The following CREB3L2 variants were observed in gnomAD, a reference collection of about 807,000 sequenced individuals.
CREB3L2 encodes cAMP responsive element binding protein 3 like 2, also known as cyclic AMP-responsive element-binding protein 3-like protein 2.
In CREB3L2, 23 loss-of-function variants were observed where a neutral mutation model predicts 57.2. The ratio of observed to expected loss-of-function variants is 0.40; its 90% confidence interval spans 0.29 to 0.57. The LOEUF (loss-of-function observed/expected upper bound fraction) is 0.57, where lower values mean the gene tolerates loss of function less well. Among genes scored for constraint, CREB3L2 ranks in the 20% least tolerant of loss-of-function variants. The probability of loss-of-function intolerance (pLI) is 0.42; values close to 1 mark genes in which losing one functional copy is unlikely to be tolerated. For synonymous variants in CREB3L2, 268 were observed against 265.1 expected (o/e 1.01, Z -0.11); for missense variants, 628 against 634.7 (o/e 0.99, Z 0.11).
chr7:137,881,885 G>C (rs752784656), intron 11 of CREB3L2, among the ~76,000 whole-genome samples: 24 of 152,200 alleles, frequency 1.6e-4, no homozygotes, highest in Non-Finnish European at 2.9e-4. Flanking sequence ...TGTGTGCACA[G>C]TGCCTCTTAA....
intron 2 of CREB3L2, among the ~76,000 whole-genome samples, chr7:137,922,388 A>ATG (rs1800313293): frequency 5.2e-5 from 1 of 19,416 alleles, no homozygotes; most frequent in Non-Finnish European, 9.0e-5. Flanking sequence ...ATATATGTAT[A>ATG]TATATATATA....
At chr7:137,915,176 T>C (rs543034456) in intron 3 of CREB3L2, among the ~76,000 whole-genome samples, 1 of 152,188 alleles carries the variant, frequency 6.6e-6, no homozygotes, top group Admixed American at 6.5e-5. Flanking sequence ...TGCTGGTCCA[T>C]GGCCAGACAC....
At chr7:137,946,126 C>T (rs915994921) in intron 1 of CREB3L2, among the ~76,000 whole-genome samples, 1 of 152,134 alleles carries the variant, frequency 6.6e-6, no homozygotes, top group African/African-American at 2.4e-5. Flanking sequence ...AGATGACTCC[C>T]AAGACTCCTG....
intron 1 of CREB3L2, among the ~76,000 whole-genome samples, chr7:137,967,637 C>T (rs1037921491): frequency 2.6e-5 from 4 of 152,178 alleles, no homozygotes; most frequent in Non-Finnish European, 2.9e-5. Flanking sequence ...TCTGGCTCTT[C>T]GATTCTCTCC....
chr7:137,971,944 AAT>A lies in CREB3L2; in HGVS notation c.102+29658_102+29659del, dbSNP rs1554503428. 4.2e-3 allele frequency among the ~76,000 whole-genome samples: 631 copies of A among 152,040 alleles called. 5 individuals carry two copies. Among genetic ancestry groups the A allele is most frequent in the African/African-American group, 0.015 (604 of 41,406 alleles). ...TTGTTCACTTCCTTAAAAAAAAAAA[AAT>A]AATGGCTAAGTATTAAAATAGGAAA... On this transcript the variant is annotated intron_variant, in intron 1 of 11. Coordinates refer to ENST00000330387, the MANE Select transcript of CREB3L2 (RefSeq NM_194071.4).
At chr7:137,922,469 T>C (rs140453931) in intron 2 of CREB3L2, 6,645 of 132,290 alleles carry the variant, frequency 0.05, 996 homozygotes, top group African/African-American at 0.27. Flanking sequence ...CATATATATA[T>C]ACACACATAT....
intron 1 of CREB3L2, among the ~76,000 whole-genome samples, chr7:137,946,786 CTATATAGTTATATATAGTTA>C (rs1425687567): frequency 1.2e-4 from 4 of 34,326 alleles, no homozygotes; most frequent in African/African-American, 4.1e-4. Flanking sequence ...ATATAGTTAT[CTATATAGTTATATATAGTTA>C]TATATAGTTA....
intron 2 of CREB3L2, among the ~76,000 whole-genome samples, chr7:137,922,208 T>G (rs2117228841): frequency 6.6e-6 from 1 of 151,316 alleles, no homozygotes; most frequent in Middle Eastern, 3.4e-3. Flanking sequence ...ATTCAGCCAC[T>G]TTTCCTTTAA....
intron 1 of CREB3L2, among the ~76,000 whole-genome samples, chr7:137,964,318 A>T (rs137986419): frequency 1.5e-3 from 230 of 152,318 alleles, no homozygotes; most frequent in African/African-American, 5.4e-3. Context: ...CTTCCTCTCA[A>T]AACAAACAAA....
At chr7:137,897,902 TAAAC>T (rs897083289) in intron 8 of CREB3L2, among the ~76,000 whole-genome samples, 2 of 152,108 alleles carry the variant, frequency 1.3e-5, no homozygotes, top group Non-Finnish European at 2.9e-5. Context: ...AAACGTATGA[TAAAC>T]AAGTAAAACT....
intron 1 of CREB3L2, among the ~76,000 whole-genome samples, chr7:137,929,582 G>A (rs901531699): frequency 2.0e-5 from 3 of 151,822 alleles, no homozygotes; most frequent in Non-Finnish European, 4.4e-5. Context: ...ATAAAATAGG[G>A]CCAGGCACGG....
At chr7:137,904,116 C>A in intron 6 of CREB3L2, 99 bp from the exon 7 acceptor site, 1 of 958,288 alleles carries the variant, frequency 1.0e-6, no homozygotes, top group Non-Finnish European at 1.7e-6. Context: ...CAAAGCCCTG[C>A]TTACTTCTGC....
At chr7:137,983,342 G>A (rs1333634428) in intron 1 of CREB3L2, among the ~76,000 whole-genome samples, 2 of 152,206 alleles carry the variant, frequency 1.3e-5, no homozygotes, top group African/African-American at 4.8e-5. Context: ...CAACATCAGA[G>A]CTACCAGGCA....
At chr7:137,953,530 C>A (rs1001753684) in intron 1 of CREB3L2, 4 of 1,288,694 alleles carry the variant, frequency 3.1e-6, no homozygotes, top group East Asian at 5.5e-5. Context: ...GAAAGGTATG[C>A]GGGTTTGCAG....
intron 2 of CREB3L2, among the ~76,000 whole-genome samples, chr7:137,922,407 T>TACACAC: frequency 4.0e-5 from 1 of 24,874 alleles, no homozygotes; most frequent in Non-Finnish European, 6.7e-5. Flanking sequence ...TATATATATA[T>TACACAC]ATATATATGT....
intron 1 of CREB3L2, among the ~76,000 whole-genome samples, chr7:137,957,041 C>T (rs557280782): frequency 5.4e-4 from 82 of 150,848 alleles, no homozygotes; most frequent in Admixed American, 1.8e-3. Context: ...AATGTTTTGT[C>T]TTTTCTTCTT....
chr7:137,885,373 G>T, intron 9 of CREB3L2, 30 bp downstream of exon 9: 1 of 1,579,800 alleles, frequency 6.3e-7, no homozygotes, highest in Admixed American at 1.7e-5. Flanking sequence ...GCCAGGGGCG[G>T]TCACTGTGCT....
At position 137,980,698 on chromosome 7, in the gene CREB3L2, G is replaced by C. The variant is rs1393732379; in HGVS notation, c.102+20906C>G. 6.6e-6 allele frequency among the ~76,000 whole-genome samples: 1 copy of C among 152,212 alleles called. No homozygotes were observed. Among genetic ancestry groups the C allele is most frequent in the Non-Finnish European group, 1.5e-5 (1 of 68,038 alleles). ...CCATACAGGCTCCAAAGCTGCTAGA[G>C]CTATAGGCTGAAGGTCCTCAGGATT... On this transcript the variant is annotated intron_variant, in intron 1 of 11. Coordinates refer to ENST00000330387, the MANE Select transcript of CREB3L2 (RefSeq NM_194071.4). The surrounding 1 kb of genome is among the most constrained non-coding windows in gnomAD (Gnocchi z 4.3).
In CREB3L2 at chr7:137,960,598, A is replaced by G. The variant is rs145657324; in HGVS notation, c.103-32232T>C. 2.7e-3 allele frequency among the ~76,000 whole-genome samples: 408 copies of G among 152,302 alleles called. 2 individuals carry two copies. Among genetic ancestry groups the G allele is most frequent in the African/African-American group, 9.3e-3 (388 of 41,572 alleles). Reference sequence around the variant, plus strand: ...AGCCTGGAAGTATCTAATAAAAGACAACATTGGATCAATTACCTCTGGCTC... The same window carrying G: ...AGCCTGGAAGTATCTAATAAAAGACGACATTGGATCAATTACCTCTGGCTC... On this transcript the variant is annotated intron_variant, in intron 1 of 11. Coordinates refer to ENST00000330387, the MANE Select transcript of CREB3L2 (RefSeq NM_194071.4).
Sources: gnomAD v4.1 joint callset for allele counts (sites outside exome capture counted in the v4.1 genomes callset) on GRCh38, gnomAD v4.1.1 for gene constraint, Gnocchi (gnomAD v3.1) non-coding constraint, MANE v1.5 for transcripts, NCBI Gene and HGNC (gene_info 2026-07-23, HGNC 2026-07-21) for gene names.